Variants in MYH9 observed in about 807,000 individuals in gnomAD.
MYH9 encodes the protein myosin heavy chain 9, also known as myosin-9.
In MYH9, 29 loss-of-function variants were observed where a neutral mutation model predicts 241.9. The observed-to-expected ratio is 0.12, with a 90% CI of 0.09 to 0.16. MYH9 has a LOEUF of 0.16. MYH9 is among the 10% of genes least tolerant of loss of function. The pLI, the probability that MYH9 is intolerant of heterozygous loss-of-function variation, is 1.00. For synonymous variants in MYH9, 1,047 were observed against 1,062.6 expected (o/e 0.99, Z 0.29); for missense variants, 1,803 against 2,595.5 (o/e 0.69, Z 6.63).
rs906507255 is a variant in MYH9, at chr22:36,301,258, G to A, written c.2632-201C>T. On this transcript the variant is annotated intron_variant, in intron 21 of 40. Coordinates refer to ENST00000216181, the MANE Select transcript of MYH9 (RefSeq NM_002473.6). Reference sequence around the variant, plus strand: ...TTTTCACTACCCCATGAGCTCCAGAGCAAGGTCCCAGGAAATGGGCTCAAG... The same window carrying A: ...TTTTCACTACCCCATGAGCTCCAGAACAAGGTCCCAGGAAATGGGCTCAAG... Among the ~76,000 whole-genome samples the A allele has an allele frequency of 9.8e-5, 15 of 152,312 alleles. 1 individual carries two copies. Among genetic ancestry groups the A allele is most frequent in the African/African-American group, 3.6e-4 (15 of 41,580 alleles).
chr22:36,387,028 G>A (rs540545879), intron 1 of MYH9, among the ~76,000 whole-genome samples: 2 of 152,358 alleles, frequency 1.3e-5, no homozygotes, highest in South Asian at 4.1e-4. Flanking sequence ...GGCCCCGACG[G>A]CTGCTGCATT....
intron 1 of MYH9, among the ~76,000 whole-genome samples, chr22:36,385,307 G>A (rs1186307983): frequency 6.6e-6 from 1 of 152,100 alleles, no homozygotes; most frequent in African/African-American, 2.4e-5. Flanking sequence ...GGTAAGGGCT[G>A]TCTTAAGTAC....
At chr22:36,332,997 C>G (rs761114440) in intron 3 of MYH9, among the ~76,000 whole-genome samples, 13 of 152,180 alleles carry the variant, frequency 8.5e-5, no homozygotes, top group Non-Finnish European at 1.8e-4. Context: ...CTTGCTCCTA[C>G]CTAACATTTC....
Position 36,312,138 on chromosome 22 carries a change from T to A in MYH9, c.1639A>T (p.Met547Leu), listed in dbSNP as rs2017074232. The change falls in exon 14 of 41, where the codon ATG (methionine) becomes TTG (leucine). Residue 547 changes from methionine (M) to leucine (L), a missense_variant. Met to Leu is a conservative substitution (Grantham distance 15). Around this residue, in one of 11 missense-constraint regions of MYH9, gnomAD observed 163 missense variants for 349.7 expected, o/e 0.47. Transcript: ENST00000216181. ...TTGGGGTGGGTGCCCTGCTCCTGCA[T>A]CACCTTCTCCACGAAGCTCTTGTCG... ...ATDKSFVEKVMQEQGTHPKFQ... is the reference protein window; with the variant it reads ...ATDKSFVEKVLQEQGTHPKFQ... 1 of 1,614,198 alleles carries A rather than the reference T, an allele frequency of 6.2e-7. No homozygotes were observed. Among genetic ancestry groups the A allele is most frequent in the Non-Finnish European group, 8.5e-7 (1 of 1,180,032 alleles).
chr22:36,309,776 A>C (rs2017031013), intron 14 of MYH9, among the ~76,000 whole-genome samples: 1 of 152,266 alleles, frequency 6.6e-6, no homozygotes, highest in South Asian at 2.1e-4. Flanking sequence ...TAGTCATAAG[A>C]CAAGTAATTT....
Position 36,305,206 on chromosome 22 carries a change from C to T in MYH9, c.2160-104G>A. 9.6e-7 allele frequency: 1 copy of T among 1,037,056 alleles called. No homozygotes were observed. The highest frequency in any genetic ancestry group is 1.3e-5 in the South Asian group (1 of 76,202). 64.2% of individuals were successfully genotyped at this position (1,037,056 alleles called of 1,614,324 possible). A position where few individuals can be genotyped will look rare whatever the true frequency, so the allele number is the denominator to read the frequency against. On this transcript the variant is annotated intron_variant, in intron 17 of 40. Coordinates refer to ENST00000216181, the MANE Select transcript of MYH9 (RefSeq NM_002473.6). The surrounding 1 kb of genome is among the most constrained non-coding windows in gnomAD (Gnocchi z 4.7). ...CATCATTTCTACAATGCAACAGACA[C>T]AGAATTCTTTACACAAACTCTCCTA...
intron 2 of MYH9, among the ~76,000 whole-genome samples, chr22:36,343,772 C>T (rs1320856061): frequency 6.6e-6 from 1 of 152,140 alleles, no homozygotes; most frequent in Non-Finnish European, 1.5e-5. Context: ...GGAAGAGACA[C>T]GGGAGCCTGT....
rs1243945044 is a variant in MYH9 at position 36,300,995 on chromosome 22, C to G, written c.2694G>C (p.Glu898Asp). The G allele has an allele frequency of 1.2e-6, 2 of 1,611,994 alleles. No homozygotes were observed. The highest frequency in any genetic ancestry group is 1.7e-6 in the Non-Finnish European group (2 of 1,180,028). The part of the protein sequence containing the change: ...QLQAETELCA[E>D]AEELRARLTA... ...TCAGGCGGGCCCGGAGCTCCTCAGC[C>G]TCGGCACACAGCTCGGTTTCTGCCT... Residue 898 changes from glutamate (E) to aspartate (D), a missense_variant, in exon 22 of 41, where the codon GAG (glutamate) becomes GAC (aspartate). Physicochemically the swap from Glu to Asp is conservative, Grantham distance 45 (BLOSUM62 2). Coordinates refer to ENST00000216181, the MANE Select transcript of MYH9 (RefSeq NM_002473.6). This position sits in a 1 kb window ranked among gnomAD's most constrained non-coding sequence, Gnocchi z 5.0.
At chr22:36,325,566 C>T (rs749940374) in intron 5 of MYH9, among the ~76,000 whole-genome samples, 15 of 152,244 alleles carry the variant, frequency 9.9e-5, no homozygotes, top group African/African-American at 1.7e-4. Context: ...AAAACTCCAA[C>T]GTGAGAACTC....
intron 31 of MYH9, 71 bp downstream of exon 31, chr22:36,291,915 A>T (rs1320847904): frequency 1.4e-5 from 23 of 1,608,760 alleles, no homozygotes; most frequent in Non-Finnish European, 1.8e-5. Flanking sequence ...GCTTTCTCTG[A>T]TGGGCCCTTT....
chr22:36,352,324 G>A (rs1343310792), intron 1 of MYH9, among the ~76,000 whole-genome samples: 2 of 152,210 alleles, frequency 1.3e-5, no homozygotes, highest in East Asian at 1.9e-4. Context: ...AAGCAGGCAC[G>A]TTAGAACTCA....
intron 1 of MYH9, among the ~76,000 whole-genome samples, chr22:36,384,397 A>G (rs941869294): frequency 2.0e-5 from 3 of 150,594 alleles, no homozygotes; most frequent in African/African-American, 7.3e-5. Context: ...AGCCTGGCCA[A>G]CATGGTGAAA....
intron 4 of MYH9, 145 bp from the exon 5 acceptor site, chr22:36,326,806 T>A (rs1452171330): frequency 1.6e-5 from 12 of 734,104 alleles, no homozygotes; most frequent in Admixed American, 7.9e-5. Context: ...GACTGCCACA[T>A]AAACGCTCTG....
In MYH9 at chr22:36,352,121, C is replaced by A. The variant is rs569973049; in HGVS notation, c.-19-2866G>T. The stretch of plus-strand genomic sequence containing the variant: ...TCCTGTGCCTGGCCTCCTCCCAGAA[C>A]AATTGTGCCTGGGGTCCCTCGGAAG... On this transcript the variant is annotated intron_variant, in intron 1 of 40. Coordinates refer to ENST00000216181, the MANE Select transcript of MYH9 (RefSeq NM_002473.6). Among the ~76,000 whole-genome samples, 16 of 152,320 alleles carry A rather than the reference C, an allele frequency of 1.1e-4. No homozygotes were observed. In the East Asian group the frequency reaches 2.3e-3, roughly 22 times the overall value.
rs2071732 is a variant in MYH9, at chr22:36,284,668, C to T, written c.5484-157G>A. Among the ~76,000 whole-genome samples the T allele has an allele frequency of 0.041, 6,263 of 152,208 alleles. 133 individuals are homozygous for T. Among genetic ancestry groups the T allele is most frequent in the East Asian group, 0.057 (296 of 5,182 alleles). ...ACACCTATGTGTACCCGGCTTCTTA[C>T]GACGGGCACTGCAAATAGCCCCATT... On this transcript the variant is annotated intron_variant, in intron 38 of 40. Transcript: ENST00000216181.
At chr22:36,287,938 C>T (rs1197325273) in intron 34 of MYH9, among the ~76,000 whole-genome samples, 2 of 152,210 alleles carry the variant, frequency 1.3e-5, no homozygotes, top group Admixed American at 6.5e-5. Flanking sequence ...TGTCAGGACC[C>T]GGGTGATTCT....
In MYH9 at chr22:36,285,786, G is replaced by A. The variant is rs762613036; in HGVS notation, c.5151-5C>T. ...TTCTCCTCTAACGCCAGGGCTCTGC[G>A]GGGTGGGCGGGAGAAGTGAGGGGCC... On this transcript the variant is annotated splice_region_variant and splice_polypyrimidine_tract_variant and intron_variant, in intron 36 of 40. Coordinates refer to ENST00000216181, the MANE Select transcript of MYH9 (RefSeq NM_002473.6). This position sits in a 1 kb window ranked among gnomAD's most constrained non-coding sequence, Gnocchi z 7.0. 42 of 1,609,042 alleles carry A rather than the reference G, an allele frequency of 2.6e-5. 1 individual carries two copies. The highest frequency in any genetic ancestry group is 2.0e-4 in the Admixed American group (12 of 59,286).
intron 40 of MYH9, 53 bp from the exon 41 acceptor site, chr22:36,282,838 G>T (rs1042893415): frequency 1.3e-6 from 2 of 1,483,636 alleles, no homozygotes; most frequent in Non-Finnish European, 1.8e-6. Context: ...GGCCAGGGGC[G>T]GCCACAGCAC....
Position 36,323,567 on chromosome 22 carries a change from T to C in MYH9, c.613-1046A>G, listed in dbSNP as rs2017289468. Among the ~76,000 whole-genome samples, 7 of 152,102 alleles carry C rather than the reference T, an allele frequency of 4.6e-5. No homozygotes were observed. In the South Asian group the frequency reaches 1.2e-3, roughly 27 times the overall value. On this transcript the variant is annotated intron_variant, in intron 5 of 40. Coordinates refer to ENST00000216181, the MANE Select transcript of MYH9 (RefSeq NM_002473.6). Reference sequence around the variant, plus strand: ...GCCTGTGAGTGATGACAAGGAGAACTAGGAGGAGTAGGAGCTCCCAGGAGA... The same window carrying C: ...GCCTGTGAGTGATGACAAGGAGAACCAGGAGGAGTAGGAGCTCCCAGGAGA...
Sources: gnomAD v4.1 joint callset for allele counts (sites outside exome capture counted in the v4.1 genomes callset) on GRCh38, gnomAD v4.1.1 for gene constraint, gnomAD v4.1.1 regional missense constraint, Gnocchi (gnomAD v3.1) non-coding constraint, MANE v1.5 for transcripts, NCBI Gene and HGNC (gene_info 2026-07-23, HGNC 2026-07-21) for gene names.